HP1BP3: variants seen among roughly 807,000 people sequenced by gnomAD.
The protein encoded by HP1BP3 is heterochromatin protein 1-binding protein 3.
In HP1BP3, 12 loss-of-function variants were observed where a neutral mutation model predicts 62.5. That is an observed-to-expected ratio of 0.19 (90% CI 0.12 to 0.31). HP1BP3 has a LOEUF of 0.31. Ranked by LOEUF, HP1BP3 falls within the 10% of genes least tolerant of loss-of-function variation. The pLI is 1.00. For missense variants in HP1BP3, 502 were observed against 651.8 expected, an observed-to-expected ratio of 0.77 and a Z score of 2.50; for synonymous variants, 260 against 237.8, an observed-to-expected ratio of 1.09 and a Z score of -0.86.
At chr1:20,750,748 AGATGACAAG>A (rs543952475) in intron 9 of HP1BP3, among the ~76,000 whole-genome samples, 1 of 151,780 alleles carries the variant, frequency 6.6e-6, no homozygotes, top group East Asian at 1.9e-4. Flanking sequence ...CTCAACTCAA[AGATGACAAG>A]GATAAAGACA....
chr1:20,784,354 C>CTTA (rs1484857053), intron 1 of HP1BP3, among the ~76,000 whole-genome samples: 1 of 152,034 alleles, frequency 6.6e-6, no homozygotes, highest in Non-Finnish European at 1.5e-5. Flanking sequence ...TGGCAGGGAT[C>CTTA]TTATCTACCT....
At chr1:20,756,461 T>C (rs2056114465) in intron 9 of HP1BP3, among the ~76,000 whole-genome samples, 1 of 151,684 alleles carries the variant, frequency 6.6e-6, no homozygotes, top group African/African-American at 2.4e-5. Flanking sequence ...TCCCAGCACT[T>C]TGGGAGGCTG....
At chr1:20,786,378 G>A (rs2057830779) in intron 1 of HP1BP3, 2 of 152,566 alleles carry the variant, frequency 1.3e-5, no homozygotes, top group East Asian at 3.9e-4. Flanking sequence ...CGACAGCCCC[G>A]CCCGCAGAAG....
chr1:20,767,593 T>C lies in HP1BP3; in HGVS notation c.726A>G (p.Arg242=), dbSNP rs933178606. ...GGTATAGATGTCTTACCTTTCTGTT[T>C]CTGGATTTCTGAGGTGTTTTTCTTG... is the stretch of plus-strand genomic sequence containing the variant. ...QKSRKTPQKS[R]NRKNRSSAVD... Residue 242 remains arginine (R), a synonymous_variant, in exon 7 of 13, where the codon AGA becomes AGG. Coordinates refer to ENST00000438032, the MANE Select transcript of HP1BP3 (RefSeq NM_001372052.1). 6.2e-7 allele frequency: 1 copy of C among 1,606,944 alleles called. No individual in the cohort carries two copies. The highest frequency in any genetic ancestry group is 1.3e-5 in the African/African-American group (1 of 74,722).
rs1485507388 is a variant in HP1BP3 at position 20,747,651 on chromosome 1, A to G, written c.1146T>C (p.His382=). Reference sequence around the variant, plus strand: ...ATTTCTGCAGGGTTTTTTTCAGCAAATGCACTGAAAAAAAAAATTCAGAAA... The same window carrying G: ...ATTTCTGCAGGGTTTTTTTCAGCAAGTGCACTGAAAAAAAAAATTCAGAAA... ...HPGTNSNYQM[H]LLKKTLQKCE... Residue 382 remains histidine, a synonymous_variant, in exon 11 of 13, where the codon CAT becomes CAC. Coordinates refer to ENST00000438032, the MANE Select transcript of HP1BP3 (RefSeq NM_001372052.1). 1 of 1,605,732 alleles carries G rather than the reference A, an allele frequency of 6.2e-7. No homozygotes were observed. Among genetic ancestry groups the G allele is most frequent in the East Asian group, 2.2e-5 (1 of 44,834 alleles).
chr1:20,765,681 C>G, intron 7 of HP1BP3, 150 bp from the exon 8 acceptor site: 1 of 638,772 alleles, frequency 1.6e-6, no homozygotes, highest in South Asian at 1.9e-5. Context: ...ATTAAAAATA[C>G]ATATAAAAGC....
chr1:20,765,475 T>A lies in HP1BP3; in HGVS notation c.792A>T (p.Pro264=), dbSNP rs781741681. The A allele has an allele frequency of 6.2e-7, 1 of 1,613,564 alleles. No individual in the cohort carries two copies. The highest frequency in any genetic ancestry group is 1.1e-5 in the South Asian group (1 of 91,046). The change falls in exon 8 of 13, where the codon CCA becomes CCT. Residue 264 remains proline (P), a synonymous_variant. Transcript: ENST00000438032. ...GTTCACAAAGGCGAGTAAAGGCCAG[T>A]GGGAGGACATCCTCCAATTTTACTT... ...EPQVKLEDVL[P]LAFTRLCEPK...
chr1:20,776,118 C>G, intron 4 of HP1BP3: 4 of 916,902 alleles, frequency 4.4e-6, no homozygotes, highest in Non-Finnish European at 6.3e-6. Context: ...AATTCTTCAA[C>G]TGAATATTTC....
At chr1:20,745,806 A>G in intron 11 of HP1BP3, 150 bp from the exon 12 acceptor site, 1 of 734,906 alleles carries the variant, frequency 1.4e-6, no homozygotes, top group Non-Finnish European at 2.1e-6. Context: ...GTTACAATTT[A>G]CCGTATTTTG....
At chr1:20,761,776 A>G (rs77691753) in intron 8 of HP1BP3, among the ~76,000 whole-genome samples, 5,133 of 152,272 alleles carry the variant, frequency 0.034, 161 homozygotes, top group East Asian at 0.12. Flanking sequence ...TTAAGAGGTA[A>G]AGCAGAAATC....
intron 8 of HP1BP3, among the ~76,000 whole-genome samples, chr1:20,763,958 C>T: frequency 6.6e-6 from 1 of 152,062 alleles, no homozygotes; most frequent in East Asian, 1.9e-4. Flanking sequence ...GGCTGGAGTG[C>T]TAGGATTACA....
In HP1BP3 at chr1:20,763,126, G is replaced by A. The variant is rs12039393; in HGVS notation, c.890+2251C>T. Among the ~76,000 whole-genome samples, 7 of 152,202 alleles carry A rather than the reference G, an allele frequency of 4.6e-5. No individual in the cohort carries two copies. In the East Asian group the frequency reaches 5.8e-4, roughly 13 times the overall value. On this transcript the variant is annotated intron_variant, in intron 8 of 12. Transcript: ENST00000438032. ...TGCTCCCTTTTTTGCCATGTGATACGATAGCTCCTCCTTCCACCATGATTG... is the reference window on the plus strand; with the variant it reads ...TGCTCCCTTTTTTGCCATGTGATACAATAGCTCCTCCTTCCACCATGATTG...
At chr1:20,780,193 G>A in intron 2 of HP1BP3, 152 bp downstream of exon 2, 1 of 632,140 alleles carries the variant, frequency 1.6e-6, no homozygotes, top group Non-Finnish European at 2.8e-6. Flanking sequence ...AATTTGAGGG[G>A]AAAGGGAAGA....
chr1:20,749,265 T>G (rs748011585), intron 10 of HP1BP3, among the ~76,000 whole-genome samples: 1 of 152,184 alleles, frequency 6.6e-6, no homozygotes, highest in Non-Finnish European at 1.5e-5. Flanking sequence ...TTTGTAAATA[T>G]GAAATTTGTA....
Position 20,747,555 on chromosome 1 carries a change from G to C in HP1BP3, c.1242C>G (p.Pro414=), listed in dbSNP as rs1259071740. The C allele has an allele frequency of 2.5e-6, 4 of 1,602,956 alleles. No individual in the cohort carries two copies. Among genetic ancestry groups the C allele is most frequent in the Admixed American group, 1.7e-5 (1 of 59,628 alleles). The change falls in exon 11 of 13, where the codon CCC becomes CCG. Residue 414 remains proline, a synonymous_variant. Transcript: ENST00000438032. ...GFSGTFQLCF[P]YYPSPGVLFP... Reference sequence around the variant, plus strand: ...GGCTAAGTACTTACCTGGGATAATAGGGAAAACAGAGCTGGAAGGTGCCAC... The same window carrying C: ...GGCTAAGTACTTACCTGGGATAATACGGAAAACAGAGCTGGAAGGTGCCAC...
rs376310996 is a variant in HP1BP3, at chr1:20,747,178, T to C, written c.1253+366A>G. 3.3e-5 allele frequency among the ~76,000 whole-genome samples: 5 copies of C among 152,366 alleles called. No individual in the cohort carries two copies. In the East Asian group the frequency reaches 5.8e-4, roughly 18 times the overall value. On this transcript the variant is annotated intron_variant, in intron 11 of 12. Transcript: ENST00000438032. ...TACAAAACCTTTTACTCCAAAATAA[T>C]ACTGCCTTAAAAGTCATCTTTATTT...
chr1:20,777,406 C>G (rs1295993703), intron 3 of HP1BP3, among the ~76,000 whole-genome samples: 2 of 151,940 alleles, frequency 1.3e-5, no homozygotes, highest in African/African-American at 4.8e-5. Context: ...CTAATTATTG[C>G]AATAATGACG....
chr1:20,782,119 G>A (rs2057581453), intron 1 of HP1BP3, among the ~76,000 whole-genome samples: 1 of 152,160 alleles, frequency 6.6e-6, no homozygotes, highest in Non-Finnish European at 1.5e-5. Context: ...ACCTTCAGGA[G>A]TCTCCGTTCA....
Position 20,771,034 on chromosome 1 carries a change from G to A in HP1BP3, c.550C>T (p.Arg184Ter). 1.9e-6 allele frequency: 3 copies of A among 1,609,818 alleles called. No homozygotes were observed. Among genetic ancestry groups the A allele is most frequent in the Non-Finnish European group, 2.5e-6 (3 of 1,178,314 alleles). ...GGATACTTATGGATGATGTATTTTC[G>A]AATAGCAACCACTGATGCACCACTC... ...QKSGASVVAI[R>*]KYIIHKYPSL... The change falls in exon 6 of 13, where the codon CGA becomes TGA. Residue 184 changes from arginine to a stop codon, truncating the protein, a stop_gained. Coordinates refer to ENST00000438032, the MANE Select transcript of HP1BP3 (RefSeq NM_001372052.1). LOFTEE classifies it high-confidence loss of function.
Sources: gnomAD v4.1 joint callset for allele counts (sites outside exome capture counted in the v4.1 genomes callset) on GRCh38, gnomAD v4.1.1 for gene constraint, MANE v1.5 for transcripts, NCBI Gene and HGNC (gene_info 2026-07-23, HGNC 2026-07-21) for gene names.